Variants in ZC3H18 observed in about 807,000 individuals in gnomAD.
ZC3H18 encodes the protein zinc finger CCCH-type containing 18, also known as zinc finger CCCH domain-containing protein 18.
ZC3H18 carries 8 observed loss-of-function variants against 106.1 expected under a neutral mutation model. That is an observed-to-expected ratio of 0.08 (90% CI 0.04 to 0.14). The LOEUF is 0.14. ZC3H18 is among the 10% of genes least tolerant of loss of function. The pLI, the probability that ZC3H18 is intolerant of heterozygous loss-of-function variation, is 1.00. For missense variants in ZC3H18, 1,318 were observed against 1,278.4 expected (o/e 1.03, Z -0.47); for synonymous variants, 635 against 522.1 (o/e 1.22, Z -2.95).
At chr16:88,604,932 T>A (rs995105692) in intron 6 of ZC3H18, among the ~76,000 whole-genome samples, 1 of 152,054 alleles carries the variant, frequency 6.6e-6, no homozygotes, top group Non-Finnish European at 1.5e-5. Flanking sequence ...CAACTCCCCA[T>A]ACGCCCCCAG....
intron 3 of ZC3H18, among the ~76,000 whole-genome samples, chr16:88,590,898 C>T (rs1213444411): frequency 6.6e-6 from 1 of 151,684 alleles, no homozygotes; most frequent in African/African-American, 2.4e-5. Context: ...AGTGAACAAG[C>T]ATCCCAGTCC....
At position 88,598,628 on chromosome 16, in the gene ZC3H18, G is replaced by A. The variant is rs114252967; in HGVS notation, c.846G>A (p.Pro282=). 2.3e-4 allele frequency: 370 copies of A among 1,609,928 alleles called. 3 individuals are homozygous for A. The East Asian group carries it at 6.0e-3, about 26-fold the overall frequency. The part of the protein sequence containing the change: ...PLMPANPWGG[P]VVDEILPPPP... ...TTCTCGTTTTTCAATAGGGTGGGCC[G>A]GTAGTTGATGAAATTTTGCCTCCAC... Residue 282 remains proline, a synonymous_variant, in exon 5 of 18, where the codon CCG becomes CCA. Transcript: ENST00000301011.
intron 3 of ZC3H18, among the ~76,000 whole-genome samples, chr16:88,594,234 A>G (rs1036396530): frequency 2.0e-5 from 3 of 152,198 alleles, no homozygotes; most frequent in Non-Finnish European, 2.9e-5. Context: ...CTCTCACCAA[A>G]TATTTTAAAA....
chr16:88,585,045 CTG>C (rs1390141341), intron 2 of ZC3H18, among the ~76,000 whole-genome samples: 2 of 152,198 alleles, frequency 1.3e-5, no homozygotes, highest in Non-Finnish European at 2.9e-5. Context: ...GTGCTCATTA[CTG>C]TAAGAATAGT....
At chr16:88,604,663 G>A (rs1597342613) in intron 6 of ZC3H18, among the ~76,000 whole-genome samples, 2 of 152,332 alleles carry the variant, frequency 1.3e-5, no homozygotes, top group East Asian at 3.9e-4. Context: ...TCCAGCCTGG[G>A]CGACAGAGCA....
chr16:88,626,081 C>T (rs928113003), intron 13 of ZC3H18: 4 of 152,042 alleles, frequency 2.6e-5, no homozygotes, highest in African/African-American at 9.7e-5. Flanking sequence ...CCTTGGCCTC[C>T]CAAAGTGCTG....
intron 6 of ZC3H18, among the ~76,000 whole-genome samples, chr16:88,601,310 G>A (rs1904738690): frequency 1.3e-5 from 2 of 152,256 alleles, no homozygotes; most frequent in South Asian, 2.1e-4. Context: ...AAGCCCTGGA[G>A]GCCTTTGTGT....
At position 88,631,446 on chromosome 16, in the gene ZC3H18, A is replaced by G. The variant is rs1009002088; in HGVS notation, c.*147A>G. On this transcript the variant is annotated 3_prime_UTR_variant, in exon 18 of 18. Coordinates refer to ENST00000301011, the MANE Select transcript of ZC3H18 (RefSeq NM_144604.4). ...GTTTCTCAGCTGGAAAAGAAGCCAC[A>G]CAGGAAATGACAACGACGCTGAATC... 9.0e-6 allele frequency: 10 copies of G among 1,109,180 alleles called. No individual in the cohort carries two copies. Among genetic ancestry groups the G allele is most frequent in the Admixed American group, 2.4e-5 (1 of 42,098 alleles). The allele number at this position is 1,109,180 out of a possible 1,614,324, so 68.7% of individuals were successfully genotyped here.
chr16:88,628,890 G>T, intron 16 of ZC3H18, 36 bp downstream of exon 16: 1 of 1,611,094 alleles, frequency 6.2e-7, no homozygotes, highest in Non-Finnish European at 8.5e-7. Flanking sequence ...AGGGCAGAGG[G>T]ACGGGAGCCT....
Position 88,611,360 on chromosome 16 carries a change from G to A in ZC3H18, c.1299G>A (p.Glu433=), listed in dbSNP as rs1289460497. ...GAGAGCGGGAGCGCCGGCAGAGGGAGCGCGAGCGAGAGCGGGAGCGCGAGC... is the reference window on the plus strand; with the variant it reads ...GAGAGCGGGAGCGCCGGCAGAGGGAACGCGAGCGAGAGCGGGAGCGCGAGC... ...RDRERERRQR[E]RERERERERD... is the part of the protein sequence containing the mutation. The change falls in exon 8 of 18, where the codon GAG becomes GAA. Residue 433 remains glutamate, a synonymous_variant. Transcript: ENST00000301011. 10 of 914,832 alleles carry A rather than the reference G, an allele frequency of 1.1e-5. No individual in the cohort carries two copies. Among genetic ancestry groups the A allele is most frequent in the African/African-American group, 3.3e-5 (2 of 60,748 alleles). 56.7% of individuals were successfully genotyped at this position (914,832 alleles called of 1,614,324 possible). A position where few individuals can be genotyped will look rare whatever the true frequency, so the allele number is the denominator to read the frequency against.
chr16:88,622,120 C>T (rs1420000987), intron 8 of ZC3H18, 77 bp from the exon 9 acceptor site: 10 of 1,490,488 alleles, frequency 6.7e-6, no homozygotes, highest in South Asian at 1.3e-5. Flanking sequence ...TCCATAGTCT[C>T]TCCCGCTGCT....
intron 16 of ZC3H18, among the ~76,000 whole-genome samples, chr16:88,629,719 A>G (rs1906542088): frequency 6.6e-6 from 1 of 152,170 alleles, no homozygotes; most frequent in South Asian, 2.1e-4. Context: ...AGCCATGCTG[A>G]CCACACCCCA....
intron 17 of ZC3H18, 118 bp from the exon 18 acceptor site, chr16:88,630,983 C>T (rs1471403311): frequency 1.8e-5 from 23 of 1,298,094 alleles, no homozygotes; most frequent in Non-Finnish European, 2.4e-5. Flanking sequence ...TCCAGGGAGC[C>T]CCTTGCCTGT....
At chr16:88,620,780 A>C (rs1905909139) in intron 8 of ZC3H18, among the ~76,000 whole-genome samples, 1 of 152,148 alleles carries the variant, frequency 6.6e-6, no homozygotes, top group African/African-American at 2.4e-5. Flanking sequence ...TTGACCCATT[A>C]ATTCCATTGC....
At chr16:88,591,356 C>G (rs1251265219) in intron 3 of ZC3H18, among the ~76,000 whole-genome samples, 3 of 152,050 alleles carry the variant, frequency 2.0e-5, no homozygotes, top group Non-Finnish European at 2.9e-5. Flanking sequence ...GTGGATCACT[C>G]AAGGTTAGGA....
rs75072440 is a variant in ZC3H18, at chr16:88,605,187, G to T, written c.1089-3747G>T. On this transcript the variant is annotated intron_variant, in intron 6 of 17. Transcript: ENST00000301011. Reference sequence around the variant, plus strand: ...CTGGTGCCCTGTGGGGAAGCCCCCTGAGTGAGCAGGGAGGGAGGGTTGGGC... The same window carrying T: ...CTGGTGCCCTGTGGGGAAGCCCCCTTAGTGAGCAGGGAGGGAGGGTTGGGC... Among the ~76,000 whole-genome samples the T allele has an allele frequency of 7.9e-5, 12 of 152,356 alleles. No individual in the cohort carries two copies. The East Asian group carries it at 2.1e-3, about 27-fold the overall frequency.
chr16:88,596,997 T>C (rs1268743445), intron 3 of ZC3H18, among the ~76,000 whole-genome samples: 1 of 152,162 alleles, frequency 6.6e-6, no homozygotes, highest in Non-Finnish European at 1.5e-5. Flanking sequence ...CTCGGCTCAC[T>C]GCAAGCTCCA....
intron 7 of ZC3H18, among the ~76,000 whole-genome samples, chr16:88,609,792 G>A (rs62050307): frequency 0.26 from 39,615 of 151,708 alleles, 5,558 homozygotes; most frequent in Middle Eastern, 0.36. Context: ...GTAGAGACAG[G>A]GTTTTGCCGT....
At chr16:88,596,469 G>A (rs1339558388) in intron 3 of ZC3H18, among the ~76,000 whole-genome samples, 3 of 151,844 alleles carry the variant, frequency 2.0e-5, no homozygotes, top group African/African-American at 7.3e-5. Context: ...GTGAAGTCCC[G>A]TCTCTACTAA....
Sources: allele counts gnomAD v4.1 joint callset (sites outside exome capture counted in the v4.1 genomes callset), GRCh38; gene constraint gnomAD v4.1.1; transcripts MANE v1.5; gene names NCBI Gene and HGNC (gene_info 2026-07-23, HGNC 2026-07-21).